Variants in FERRY3 observed in about 807,000 individuals in gnomAD.
FERRY3 encodes the protein FERRY endosomal RAB5 effector complex subunit 3.
chr12:4,498,435 A>T, the FERRY3 span, among the ~76,000 whole-genome samples: 1 of 152,302 alleles, frequency 6.6e-6, no homozygotes, highest in South Asian at 2.1e-4. Context: ...AGGGAAAAAA[A>T]TGTTTGTCCA....
the FERRY3 span, among the ~76,000 whole-genome samples, chr12:4,511,482 G>C: frequency 2.9e-3 from 434 of 151,662 alleles, no homozygotes; most frequent in Non-Finnish European, 4.5e-3. Context: ...TGACCACATA[G>C]TTGGAAGTAA....
At chr12:4,515,646 C>A in the FERRY3 span, among the ~76,000 whole-genome samples, 2 of 151,940 alleles carry the variant, frequency 1.3e-5, no homozygotes, top group Non-Finnish European at 1.5e-5. Context: ...CTTACCAGGG[C>A]TGGGGCGGGG....
the FERRY3 span, chr12:4,491,323 C>T: frequency 1.7e-6 from 2 of 1,199,402 alleles, no homozygotes; most frequent in Non-Finnish European, 2.4e-6. Context: ...TGTTGACTAT[C>T]CATGTTGTGA....
At chr12:4,491,370 T>A in the FERRY3 span, 15 of 666,870 alleles carry the variant, frequency 2.2e-5, no homozygotes, top group Non-Finnish European at 3.5e-5. Context: ...CCCAACTGGA[T>A]TTCCTCTAGT....
the FERRY3 span, among the ~76,000 whole-genome samples, chr12:4,511,728 G>T: frequency 0.014 from 1,996 of 146,818 alleles, 53 homozygotes; most frequent in African/African-American, 0.05. Context: ...TCTCTGGGAC[G>T]CATTCAAAGC....
At chr12:4,532,715 T>C in the FERRY3 span, among the ~76,000 whole-genome samples, 4 of 151,912 alleles carry the variant, frequency 2.6e-5, no homozygotes, top group Admixed American at 2.0e-4. Context: ...CTCAATGTTT[T>C]CATTTTTTTT....
the FERRY3 span, among the ~76,000 whole-genome samples, chr12:4,537,877 A>C: frequency 3.9e-5 from 6 of 152,214 alleles, no homozygotes; most frequent in Non-Finnish European, 8.8e-5. Context: ...GCTAAAGTAC[A>C]CCCAGAAGAA....
the FERRY3 span, among the ~76,000 whole-genome samples, chr12:4,528,802 C>T: frequency 6.6e-6 from 1 of 151,622 alleles, no homozygotes; most frequent in African/African-American, 2.4e-5. Context: ...TCTCATCTTG[C>T]TAGCCTTACT....
At chr12:4,527,738 C>T in the FERRY3 span, among the ~76,000 whole-genome samples, 4 of 151,802 alleles carry the variant, frequency 2.6e-5, no homozygotes, top group East Asian at 1.9e-4. Flanking sequence ...TTCAAGCTAG[C>T]GGTTTGGACA....
the FERRY3 span, chr12:4,489,904 A>C: frequency 1.3e-6 from 2 of 1,544,128 alleles, no homozygotes; most frequent in Non-Finnish European, 1.8e-6. Flanking sequence ...AATACTCTGT[A>C]AGACGAAAAA....
chr12:4,530,132 C>T, the FERRY3 span: 437 of 1,287,246 alleles, frequency 3.4e-4, 2 homozygotes, highest in African/African-American at 5.8e-3. Context: ...TGTATGATTC[C>T]ATTTTTGCAC....
chr12:4,491,183 C>T, the FERRY3 span: 1 of 1,613,218 alleles, frequency 6.2e-7, no homozygotes, highest in South Asian at 1.1e-5. Flanking sequence ...TCACCTTTGA[C>T]ACACTTGAAC....
At chr12:4,508,220 G>A in the FERRY3 span, among the ~76,000 whole-genome samples, 1 of 152,066 alleles carries the variant, frequency 6.6e-6, no homozygotes, top group Non-Finnish European at 1.5e-5. Flanking sequence ...CTTCAGAAAG[G>A]TCTTCCTTAT....
At chr12:4,510,705 T>C in the FERRY3 span, among the ~76,000 whole-genome samples, 3 of 149,184 alleles carry the variant, frequency 2.0e-5, no homozygotes, top group Non-Finnish European at 4.5e-5. Context: ...TGAGAGATTT[T>C]GTCACCACCA....
chr12:4,505,982 T>C, the FERRY3 span, among the ~76,000 whole-genome samples: 6 of 152,314 alleles, frequency 3.9e-5, no homozygotes, highest in South Asian at 2.1e-4. Flanking sequence ...CTGTTTCAAA[T>C]GAAACAGCTT....
the FERRY3 span, among the ~76,000 whole-genome samples, chr12:4,533,399 C>T: frequency 1.9e-4 from 29 of 152,200 alleles, no homozygotes; most frequent in Admixed American, 8.5e-4. Flanking sequence ...TTTCCACACT[C>T]CCACATGCTT....
the FERRY3 span, chr12:4,535,995 T>TA: frequency 0.064 from 61,297 of 953,650 alleles, no homozygotes; most frequent in South Asian, 0.091. This position sits in a 1 kb window ranked among gnomAD's most constrained non-coding sequence, Gnocchi z 4.0. Context: ...TGGTGTTACT[T>TA]AAAAAAAAAA....
chr12:4,497,187 AAT>A, the FERRY3 span, among the ~76,000 whole-genome samples: 1 of 152,208 alleles, frequency 6.6e-6, no homozygotes, highest in African/African-American at 2.4e-5. Context: ...GTCACACAAT[AAT>A]ATATAACAAT....
At chr12:4,502,681 A>G in the FERRY3 span, among the ~76,000 whole-genome samples, 1 of 152,236 alleles carries the variant, frequency 6.6e-6, no homozygotes, top group South Asian at 2.1e-4. The surrounding 1 kb of genome is among the most constrained non-coding windows in gnomAD (Gnocchi z 4.2). Flanking sequence ...ATAAACATAC[A>G]GTATACTTAA....
Sources: allele counts gnomAD v4.1 joint callset (sites outside exome capture counted in the v4.1 genomes callset), GRCh38; gene constraint gnomAD v4.1.1; non-coding constraint Gnocchi (gnomAD v3.1); transcripts MANE v1.5; gene names NCBI Gene and HGNC (gene_info 2026-07-23, HGNC 2026-07-21).